ARMC9: variants seen among roughly 807,000 people sequenced by gnomAD.
The protein encoded by ARMC9 is lisH domain-containing protein ARMC9.
ARMC9 carries 94 observed loss-of-function variants against 107.0 expected under a neutral mutation model. That is an observed-to-expected ratio of 0.88 (90% CI 0.74 to 1.04). ARMC9 has a LOEUF of 1.04. Among genes scored for constraint, ARMC9 ranks in the 50% least tolerant of loss-of-function variants. The probability of loss-of-function intolerance (pLI) is 0.00; values close to 1 mark genes in which losing one functional copy is unlikely to be tolerated. For missense variants in ARMC9, 942 were observed against 1,030.1 expected (o/e 0.91, Z 1.17); for synonymous variants, 380 against 396.9 (o/e 0.96, Z 0.51).
chr2:231,231,073 G>A (rs753861368), intron 7 of ARMC9, among the ~76,000 whole-genome samples: 26 of 152,340 alleles, frequency 1.7e-4, no homozygotes, highest in Non-Finnish European at 3.1e-4. Context: ...CAAGGCAAAA[G>A]TTCCACAGAT....
At chr2:231,363,530 C>G (rs2045677595) in intron 23 of ARMC9, among the ~76,000 whole-genome samples, 1 of 152,120 alleles carries the variant, frequency 6.6e-6, no homozygotes, top group Non-Finnish European at 1.5e-5. Flanking sequence ...CACTCAAGCT[C>G]TGTGCCAGTG....
intron 12 of ARMC9, among the ~76,000 whole-genome samples, chr2:231,263,058 C>T (rs2038529738): frequency 6.6e-6 from 1 of 152,168 alleles, no homozygotes; most frequent in Non-Finnish European, 1.5e-5. Context: ...GTCCTTGCCC[C>T]TCCTACCTGT....
intron 16 of ARMC9, among the ~76,000 whole-genome samples, chr2:231,278,708 G>A (rs956222490): frequency 1.3e-5 from 2 of 150,066 alleles, no homozygotes; most frequent in Admixed American, 6.6e-5. Flanking sequence ...GGGCCCCTCC[G>A]GCATTGCTGT....
At chr2:231,271,161 T>C (rs2039298463) in intron 13 of ARMC9, 89 bp downstream of exon 13, 1 of 1,262,776 alleles carries the variant, frequency 7.9e-7, no homozygotes, top group Non-Finnish European at 1.1e-6. Flanking sequence ...CCAAGTTTCT[T>C]AGAGATGACG....
chr2:231,286,077 G>A (rs1285728395), intron 17 of ARMC9, among the ~76,000 whole-genome samples: 1 of 152,130 alleles, frequency 6.6e-6, no homozygotes, highest in Non-Finnish European at 1.5e-5. Flanking sequence ...GGGAAGTGGA[G>A]GCAGAATTGA....
At chr2:231,339,764 T>C (rs959973746) in intron 20 of ARMC9, among the ~76,000 whole-genome samples, 2 of 152,184 alleles carry the variant, frequency 1.3e-5, no homozygotes, top group African/African-American at 4.8e-5. Flanking sequence ...AAACCGTATC[T>C]CTACTTAAAA....
chr2:231,275,502 A>T (rs959445569), intron 14 of ARMC9, among the ~76,000 whole-genome samples: 1 of 152,250 alleles, frequency 6.6e-6, no homozygotes, highest in African/African-American at 2.4e-5. Flanking sequence ...GTGGAAAATC[A>T]TTCCTTATAA....
intron 19 of ARMC9, among the ~76,000 whole-genome samples, chr2:231,319,733 C>T (rs1190137638): frequency 6.6e-6 from 1 of 152,224 alleles, no homozygotes; most frequent in Non-Finnish European, 1.5e-5. Flanking sequence ...TCCCAGCCTT[C>T]GGTCTCTGGC....
chr2:231,230,293 T>C (rs2035087179), intron 7 of ARMC9, among the ~76,000 whole-genome samples: 1 of 151,408 alleles, frequency 6.6e-6, no homozygotes, highest in African/African-American at 2.4e-5. Context: ...AGCCCAGGAG[T>C]TGCAGCGAGC....
intron 19 of ARMC9, among the ~76,000 whole-genome samples, chr2:231,314,509 T>A (rs1227584086): frequency 6.6e-6 from 1 of 152,242 alleles, no homozygotes; most frequent in Non-Finnish European, 1.5e-5. Context: ...CAACCCAGAC[T>A]TTCTCAACCT....
rs150878493 is a variant in ARMC9 at position 231,282,916 on chromosome 2, G to A, written c.1626+783G>A. Among the ~76,000 whole-genome samples, 449 of 152,266 alleles carry A rather than the reference G, an allele frequency of 2.9e-3. 5 individuals are homozygous for A. The highest frequency in any genetic ancestry group is 9.1e-3 in the African/African-American group (378 of 41,540). On this transcript the variant is annotated intron_variant, in intron 17 of 24. Transcript: ENST00000611582. ...GAAAATAAACTTGCTTAAATTCTGC[G>A]TTATGGTCATTTAGGTGAAAGAAAG...
intron 21 of ARMC9, among the ~76,000 whole-genome samples, chr2:231,347,171 C>G (rs1295464636): frequency 1.3e-5 from 2 of 152,108 alleles, no homozygotes; most frequent in African/African-American, 4.8e-5. Flanking sequence ...TGGGGGTGGC[C>G]CCATCAAGAT....
At chr2:231,312,297 T>C (rs1293447237) in intron 19 of ARMC9, among the ~76,000 whole-genome samples, 1 of 152,220 alleles carries the variant, frequency 6.6e-6, no homozygotes, top group African/African-American at 2.4e-5. Context: ...ATCTCTGAGT[T>C]CCAAGAGGTT....
intron 11 of ARMC9, among the ~76,000 whole-genome samples, chr2:231,260,118 C>T (rs1173082152): frequency 6.6e-6 from 1 of 152,202 alleles, no homozygotes; most frequent in African/African-American, 2.4e-5. Flanking sequence ...ACTTTCCAAA[C>T]AACAATAAAA....
intron 13 of ARMC9, among the ~76,000 whole-genome samples, chr2:231,272,266 C>T (rs1017708326): frequency 7.0e-6 from 1 of 142,064 alleles, no homozygotes; most frequent in Admixed American, 7.2e-5. Flanking sequence ...TCTCGGCTCA[C>T]TGTAGCCTCA....
At chr2:231,235,840 C>G (rs1173655113) in intron 8 of ARMC9, among the ~76,000 whole-genome samples, 1 of 152,218 alleles carries the variant, frequency 6.6e-6, no homozygotes, top group Non-Finnish European at 1.5e-5. Flanking sequence ...CAGGGTTTCT[C>G]CATGTTGGTC....
chr2:231,353,924 T>C (rs1452343753), intron 21 of ARMC9, among the ~76,000 whole-genome samples: 7 of 151,604 alleles, frequency 4.6e-5, no homozygotes, highest in Admixed American at 4.6e-4. Context: ...GTAGGGGACA[T>C]CCATATTTTG....
At chr2:231,292,750 A>G (rs945948242) in intron 18 of ARMC9, among the ~76,000 whole-genome samples, 1 of 152,184 alleles carries the variant, frequency 6.6e-6, no homozygotes, top group African/African-American at 2.4e-5. Flanking sequence ...TGCAAGTCAC[A>G]TGCGTGAATC....
In ARMC9 at chr2:231,239,993, G is replaced by A. The variant is rs2036134682; in HGVS notation, c.831G>A (p.Gln277=). Residue 277 remains glutamine, a synonymous_variant, in exon 9 of 25, where the codon CAG becomes CAA. Coordinates refer to ENST00000611582, the MANE Select transcript of ARMC9 (RefSeq NM_001352754.2). ...QSVCVRLFSN[Q]MRQSLAHSVD... ...TCTGTGTCCGCCTGTTCAGTAACCA[G>A]ATGCGGCAGAGCCTGGCGCATAGTG... The A allele has an allele frequency of 6.2e-7, 1 of 1,613,892 alleles. No homozygotes were observed. The highest frequency in any genetic ancestry group is 1.1e-5 in the South Asian group (1 of 91,038).
Sources: allele counts gnomAD v4.1 joint callset (sites outside exome capture counted in the v4.1 genomes callset), GRCh38; gene constraint gnomAD v4.1.1; transcripts MANE v1.5; gene names NCBI Gene and HGNC (gene_info 2026-07-23, HGNC 2026-07-21).